HYAL4: variants seen among roughly 807,000 people sequenced by gnomAD.
The protein encoded by HYAL4 is hyaluronidase 4.
Under a neutral mutation model 35.2 loss-of-function variants are expected in HYAL4, and 37 were observed. The observed-to-expected ratio is 1.05, with a 90% CI of 0.81 to 1.38. The LOEUF (loss-of-function observed/expected upper bound fraction) is 1.38, where lower values mean the gene tolerates loss of function less well. Ranked by LOEUF, HYAL4 falls within the 40% of genes most tolerant of loss-of-function variation. The probability of loss-of-function intolerance (pLI) is 0.00; values close to 1 mark genes in which losing one functional copy is unlikely to be tolerated. For synonymous variants in HYAL4, 198 were observed against 203.2 expected, an observed-to-expected ratio of 0.97 and a Z score of 0.22; for missense variants, 572 against 572.4, an observed-to-expected ratio of 1.00 and a Z score of 0.01.
At chr7:123,822,950 C>T in the HYAL4 span, among the ~76,000 whole-genome samples, 1 of 152,128 alleles carries the variant, frequency 6.6e-6, no homozygotes. Flanking sequence ...GGGTGACAGA[C>T]TCCATCTGTT....
chr7:123,871,302 C>T (rs1388564339), intron 3 of HYAL4, among the ~76,000 whole-genome samples: 2 of 151,740 alleles, frequency 1.3e-5, no homozygotes, highest in African/African-American at 2.4e-5. Flanking sequence ...AGTGATTCTC[C>T]TGCCTCAGCC....
the HYAL4 span, among the ~76,000 whole-genome samples, chr7:123,820,946 C>T: frequency 6.6e-6 from 1 of 152,114 alleles, no homozygotes. Context: ...ATAATGTCCC[C>T]CAGGTTCATC....
chr7:123,857,369 G>A (rs1806464984), intron 2 of HYAL4, among the ~76,000 whole-genome samples: 1 of 152,170 alleles, frequency 6.6e-6, no homozygotes, highest in African/African-American at 2.4e-5. Flanking sequence ...GAAAAGCATA[G>A]CAGCTGGGCT....
At chr7:123,822,637 A>G in the HYAL4 span, among the ~76,000 whole-genome samples, 6 of 152,232 alleles carry the variant, frequency 3.9e-5, no homozygotes, top group Non-Finnish European at 7.3e-5. Context: ...TGCTCTAGCT[A>G]GGACTTCTAG....
intron 1 of HYAL4, among the ~76,000 whole-genome samples, chr7:123,831,932 C>G (rs867910821): frequency 6.6e-6 from 1 of 152,108 alleles, no homozygotes; most frequent in Non-Finnish European, 1.5e-5. Context: ...GTAATTCTTT[C>G]CTGGGATGAG....
At chr7:123,812,780 G>T in the HYAL4 span, among the ~76,000 whole-genome samples, 1 of 152,016 alleles carries the variant, frequency 6.6e-6, no homozygotes, top group African/African-American at 2.4e-5. Context: ...CATTTTCCCT[G>T]AACAACAAAT....
the HYAL4 span, among the ~76,000 whole-genome samples, chr7:123,809,788 C>T: frequency 1.3e-5 from 2 of 152,146 alleles, no homozygotes; most frequent in Non-Finnish European, 2.9e-5. Flanking sequence ...CTGCATCTCT[C>T]TTACCTGCTA....
At chr7:123,833,049 C>T (rs12667627) in intron 1 of HYAL4, among the ~76,000 whole-genome samples, 15,385 of 152,118 alleles carry the variant, frequency 0.1, 1,004 homozygotes, top group Non-Finnish European at 0.14. Context: ...GAATTGTGCT[C>T]CTCTAAACAT....
At position 123,836,298 on chromosome 7, in the gene HYAL4, T is replaced by C. The variant is rs192105668; in HGVS notation, c.-257+7174T>C. 5.2e-4 allele frequency among the ~76,000 whole-genome samples: 79 copies of C among 152,346 alleles called. 1 individual carries two copies. In the East Asian group the frequency reaches 8.5e-3, roughly 16 times the overall value. ...ATATATATTCAGGATTGTGATATTT[T>C]CCTGTTGTAGAAGGCCTTTTATTAC... On this transcript the variant is annotated intron_variant, in intron 1 of 4. Coordinates refer to the HYAL4 transcript ENST00000489978.
intron 1 of HYAL4, among the ~76,000 whole-genome samples, chr7:123,835,079 G>A (rs927601458): frequency 7.2e-5 from 11 of 152,146 alleles, no homozygotes; most frequent in African/African-American, 2.4e-4. Context: ...TTTGGGATTA[G>A]GGTGATACTG....
chr7:123,821,721 A>C, the HYAL4 span, among the ~76,000 whole-genome samples: 2 of 152,152 alleles, frequency 1.3e-5, no homozygotes, highest in Non-Finnish European at 2.9e-5. Context: ...AATTTCCAAG[A>C]CCAGTGTCAA....
the HYAL4 span, among the ~76,000 whole-genome samples, chr7:123,777,388 A>G: frequency 5.3e-5 from 8 of 152,316 alleles, no homozygotes; most frequent in Middle Eastern, 3.4e-3. Context: ...TATAACTAAA[A>G]TTATTCATAT....
chr7:123,781,449 A>T, the HYAL4 span, among the ~76,000 whole-genome samples: 1 of 141,098 alleles, frequency 7.1e-6, no homozygotes, highest in South Asian at 2.5e-4. Flanking sequence ...AAGGGAACTC[A>T]GAGGCTGGCG....
the HYAL4 span, among the ~76,000 whole-genome samples, chr7:123,775,454 A>G: frequency 6.6e-6 from 1 of 152,100 alleles, no homozygotes; most frequent in African/African-American, 2.4e-5. Context: ...AAAATGAAAG[A>G]AAAAAAGTGC....
At chr7:123,787,169 C>T in the HYAL4 span, among the ~76,000 whole-genome samples, 1 of 147,092 alleles carries the variant, frequency 6.8e-6, no homozygotes, top group East Asian at 2.0e-4. Context: ...TTTGAAAAAT[C>T]AAAATGTATC....
chr7:123,857,824 GTTGCAACATCAAGAACATCA>G (rs1316109430), intron 2 of HYAL4, among the ~76,000 whole-genome samples: 2 of 151,888 alleles, frequency 1.3e-5, no homozygotes, highest in Non-Finnish European at 2.9e-5. Context: ...GCACAATTCA[GTTGCAACATCAAGAACATCA>G]TCATTTATCC....
chr7:123,780,101 A>G, the HYAL4 span, among the ~76,000 whole-genome samples: 165 of 152,306 alleles, frequency 1.1e-3, 2 homozygotes, highest in Non-Finnish European at 1.7e-3. Context: ...AACACCTGTA[A>G]TAACAGTAAT....
chr7:123,841,587 C>G (rs1419330303), upstream of HYAL4, among the ~76,000 whole-genome samples: 1 of 151,882 alleles, frequency 6.6e-6, no homozygotes, highest in Non-Finnish European at 1.5e-5. Context: ...ATCTTAGTAC[C>G]TTTGGTAGAA....
rs1805898494 is a variant in HYAL4 at position 123,832,476 on chromosome 7, ATACTTTT to A, written c.-257+3354_-257+3360del. Reference sequence around the variant, plus strand: ...CTGAGTCCCCAAAGTCTATTGTGTCATACTTTTTTTTTTTTTTTTTTTTTTTTTTTTT... The same window carrying A: ...CTGAGTCCCCAAAGTCTATTGTGTCATTTTTTTTTTTTTTTTTTTTTTTTT... On this transcript the variant is annotated intron_variant, in intron 1 of 4. Transcript: ENST00000489978. 1.0e-4 allele frequency among the ~76,000 whole-genome samples: 6 copies of A among 58,476 alleles called. 1 individual carries two copies. Among genetic ancestry groups the A allele is most frequent in the Non-Finnish European group, 1.6e-4 (5 of 30,636 alleles). The allele number at this position is 58,476 out of a possible 152,430, so 38.4% of individuals were successfully genotyped here. A position where few individuals can be genotyped will look rare whatever the true frequency, so the allele number is the denominator to read the frequency against.
Sources: allele counts gnomAD v4.1 joint callset (sites outside exome capture counted in the v4.1 genomes callset), GRCh38; gene constraint gnomAD v4.1.1; transcripts MANE v1.5; gene names NCBI Gene and HGNC (gene_info 2026-07-23, HGNC 2026-07-21).